SCAND3: variants seen among roughly 807,000 people sequenced by gnomAD.
SCAND3 encodes SCAN domain containing 3.
the SCAND3 span, chr6:28,576,072 A>G: frequency 1.2e-6 from 2 of 1,613,384 alleles, no homozygotes; most frequent in Non-Finnish European, 1.7e-6. Flanking sequence ...CTTCATTAGT[A>G]TCTAAGCTAC....
chr6:28,599,792 A>G, the SCAND3 span, among the ~76,000 whole-genome samples: 135 of 152,342 alleles, frequency 8.9e-4, no homozygotes, highest in Admixed American at 1.4e-3. Context: ...AAAATAATAG[A>G]AAAATAAATC....
At chr6:28,577,708 G>A in the SCAND3 span, among the ~76,000 whole-genome samples, 2 of 152,220 alleles carry the variant, frequency 1.3e-5, no homozygotes, top group Admixed American at 6.5e-5. Flanking sequence ...AACTCCAACC[G>A]CTGCTTTGTT....
chr6:28,572,541 A>G, the SCAND3 span: 1 of 1,614,054 alleles, frequency 6.2e-7, no homozygotes. The surrounding 1 kb of genome is among the most constrained non-coding windows in gnomAD (Gnocchi z 4.1). Context: ...GCATAGAAGC[A>G]TTAAGATCAT....
chr6:28,593,775 G>A, the SCAND3 span: 2 of 152,150 alleles, frequency 1.3e-5, no homozygotes, highest in Non-Finnish European at 2.9e-5. Flanking sequence ...GCAAGATTAC[G>A]GCTCACTCAG....
At chr6:28,579,202 A>C in the SCAND3 span, 76,807 of 1,404,484 alleles carry the variant, frequency 0.055, 2,524 homozygotes, top group Non-Finnish European at 0.065. The surrounding 1 kb of genome is among the most constrained non-coding windows in gnomAD (Gnocchi z 4.5). Flanking sequence ...ATGAGGTTTG[A>C]TAACTTTCAA....
chr6:28,609,587 G>C, the SCAND3 span, among the ~76,000 whole-genome samples: 2 of 152,146 alleles, frequency 1.3e-5, no homozygotes, highest in African/African-American at 2.4e-5. Context: ...AACACATCCA[G>C]GTCACAATTG....
chr6:28,595,276 G>A, the SCAND3 span, among the ~76,000 whole-genome samples: 2 of 134,100 alleles, frequency 1.5e-5, no homozygotes, highest in African/African-American at 5.5e-5. Flanking sequence ...GAGTCTGGGA[G>A]GTGGAGGATC....
chr6:28,610,611 A>G, the SCAND3 span, among the ~76,000 whole-genome samples: 7 of 152,146 alleles, frequency 4.6e-5, no homozygotes, highest in African/African-American at 1.7e-4. Context: ...GTCATCCACA[A>G]TCACAAGTAG....
chr6:28,586,779 TTTAC>T, the SCAND3 span: 1 of 1,438,264 alleles, frequency 7.0e-7, no homozygotes. The surrounding 1 kb of genome is among the most constrained non-coding windows in gnomAD (Gnocchi z 4.4). Context: ...AATGGGTGAT[TTTAC>T]TTGAGCTCCT....
At chr6:28,609,953 A>C in the SCAND3 span, among the ~76,000 whole-genome samples, 144,685 of 152,278 alleles carry the variant, frequency 0.95, 68,870 homozygotes, top group Non-Finnish European at 0.98. Context: ...AGTCCAGGCA[A>C]GTTGGCACAT....
chr6:28,606,384 G>A, the SCAND3 span, among the ~76,000 whole-genome samples: 1 of 152,124 alleles, frequency 6.6e-6, no homozygotes. Context: ...TTTAAAATAT[G>A]AGAAGCTTCC....
the SCAND3 span, chr6:28,575,857 C>T: frequency 6.2e-7 from 1 of 1,614,054 alleles, no homozygotes; most frequent in South Asian, 1.1e-5. The surrounding 1 kb of genome is among the most constrained non-coding windows in gnomAD (Gnocchi z 4.2). Context: ...CTTCTCATTT[C>T]CTTGTACAAG....
the SCAND3 span, among the ~76,000 whole-genome samples, chr6:28,577,424 C>G: frequency 6.6e-6 from 1 of 152,100 alleles, no homozygotes; most frequent in South Asian, 2.1e-4. Context: ...TGTCAGCCAC[C>G]CCTAACCCCA....
the SCAND3 span, among the ~76,000 whole-genome samples, chr6:28,612,354 A>G: frequency 6.6e-6 from 1 of 152,168 alleles, no homozygotes; most frequent in African/African-American, 2.4e-5. Context: ...TGTGTTTTTA[A>G]GAACACTCTG....
the SCAND3 span, chr6:28,571,855 T>G: frequency 9.5e-6 from 15 of 1,571,638 alleles, no homozygotes; most frequent in Non-Finnish European, 1.2e-5. Context: ...TTCCTCACAC[T>G]CAATGCTTAT....
At chr6:28,576,248 CA>C in the SCAND3 span, 1 of 765,794 alleles carries the variant, frequency 1.3e-6, no homozygotes, top group Non-Finnish European at 2.0e-6. Context: ...TATGGACACA[CA>C]AAAGGGGATA....
chr6:28,586,222 G>A, the SCAND3 span: 4 of 1,299,506 alleles, frequency 3.1e-6, no homozygotes, highest in South Asian at 4.3e-5. The surrounding 1 kb of genome is among the most constrained non-coding windows in gnomAD (Gnocchi z 4.4). Flanking sequence ...CCACCAGCGC[G>A]AAATTACTCC....
At chr6:28,611,203 A>G in the SCAND3 span, among the ~76,000 whole-genome samples, 1 of 152,180 alleles carries the variant, frequency 6.6e-6, no homozygotes, top group African/African-American at 2.4e-5. Flanking sequence ...CCTGGTATAC[A>G]CTACCCAGTG....
the SCAND3 span, among the ~76,000 whole-genome samples, chr6:28,584,408 A>G: frequency 6.6e-6 from 1 of 152,188 alleles, no homozygotes; most frequent in African/African-American, 2.4e-5. Context: ...AAAGATCAGA[A>G]AATATCTGCC....
Sources: allele counts gnomAD v4.1 joint callset (sites outside exome capture counted in the v4.1 genomes callset), GRCh38; gene constraint gnomAD v4.1.1; non-coding constraint Gnocchi (gnomAD v3.1); transcripts MANE v1.5; gene names NCBI Gene and HGNC (gene_info 2026-07-23, HGNC 2026-07-21).